Variants in WAPL observed in about 807,000 individuals in gnomAD.
WAPL encodes the protein wings apart-like protein homolog.
Under a neutral mutation model 121.0 loss-of-function variants are expected in WAPL, and 5 were observed. That is an observed-to-expected ratio of 0.04 (90% confidence interval 0.02 to 0.09). WAPL has a LOEUF of 0.09. Among genes scored for constraint, WAPL ranks in the 10% least tolerant of loss-of-function variants. WAPL has a pLI of 1.00. For missense variants in WAPL, 999 were observed against 1,410.8 expected, an observed-to-expected ratio of 0.71 and a Z score of 4.68; for synonymous variants, 480 against 481.5, an observed-to-expected ratio of 1.00 and a Z score of 0.04.
intron 2 of WAPL, among the ~76,000 whole-genome samples, chr10:86,511,168 G>A (rs573403903): frequency 1.8e-4 from 28 of 152,126 alleles, no homozygotes; most frequent in Non-Finnish European, 3.4e-4. Flanking sequence ...AAGCCAGGTG[G>A]CATGCCTGTA....
chr10:86,499,980 T>G lies in WAPL; in HGVS notation c.1263A>C (p.Lys421Asn). The change falls in exon 3 of 19, where the codon AAA becomes AAC. Residue 421 changes from lysine to asparagine, a missense_variant. Around this residue, in one of 7 missense-constraint regions of WAPL, gnomAD observed 531 missense variants for 563.1 expected, o/e 0.94. Coordinates refer to ENST00000298767, the MANE Select transcript of WAPL (RefSeq NM_015045.5). ...CAAAAAATTCAAGTTTAACATCCTT[T>G]TTGGATTTAGTATTACTAGGTCGAA... ...TRFRPSNTKS[K>N]KDVKLEFFGF... 6.2e-7 allele frequency: 1 copy of G among 1,614,174 alleles called. No homozygotes were observed. The highest frequency in any genetic ancestry group is 8.5e-7 in the Non-Finnish European group (1 of 1,180,026).
At chr10:86,453,382 A>G in intron 13 of WAPL, 47 bp from the exon 14 acceptor site, 2 of 1,566,096 alleles carry the variant, frequency 1.3e-6, no homozygotes, top group Non-Finnish European at 1.8e-6. Flanking sequence ...ATTCTTCCTT[A>G]GAACACTAAT....
intron 15 of WAPL, among the ~76,000 whole-genome samples, chr10:86,451,748 G>A (rs941923940): frequency 5.9e-5 from 9 of 152,098 alleles, no homozygotes; most frequent in African/African-American, 2.2e-4. Context: ...TTTCACCCTA[G>A]ACGCTGTGAA....
intron 12 of WAPL, among the ~76,000 whole-genome samples, chr10:86,458,541 C>T (rs1841202369): frequency 6.6e-6 from 1 of 152,072 alleles, no homozygotes; most frequent in South Asian, 2.1e-4. Flanking sequence ...TGCACATTAA[C>T]TAATTTAACT....
chr10:86,479,225 AG>A (rs1841727740), intron 4 of WAPL, among the ~76,000 whole-genome samples: 1 of 152,192 alleles, frequency 6.6e-6, no homozygotes, highest in African/African-American at 2.4e-5. Context: ...CATAAAAGCC[AG>A]GAAAAAAAGG....
chr10:86,485,727 T>C (rs985278529), intron 4 of WAPL, among the ~76,000 whole-genome samples: 2 of 64,104 alleles, frequency 3.1e-5, no homozygotes, highest in African/African-American at 1.4e-4. Flanking sequence ...AAATACTACC[T>C]ATATAAAAGG....
intron 17 of WAPL, among the ~76,000 whole-genome samples, chr10:86,438,270 T>TA (rs1216072711): frequency 1.3e-5 from 2 of 151,228 alleles, no homozygotes; most frequent in African/African-American, 2.4e-5. Context: ...TTTTTTTTTT[T>TA]TAAATGAAAC....
At chr10:86,451,894 T>C in intron 15 of WAPL, 73 bp downstream of exon 15, 5 of 1,548,800 alleles carry the variant, frequency 3.2e-6, no homozygotes, top group Non-Finnish European at 2.6e-6. Context: ...AGGTAAAAGG[T>C]GCAAATGATA....
At chr10:86,492,918 G>A (rs992343629) in intron 4 of WAPL, among the ~76,000 whole-genome samples, 2 of 152,018 alleles carry the variant, frequency 1.3e-5, no homozygotes, top group Non-Finnish European at 2.9e-5. Flanking sequence ...AAAATTAGCC[G>A]GGTGTGGTGG....
In WAPL at chr10:86,437,983, T is replaced by C; in HGVS notation, c.3444A>G (p.Pro1148=). 1.2e-6 allele frequency: 2 copies of C among 1,613,988 alleles called. No individual in the cohort carries two copies. Residue 1148 remains proline (P), a synonymous_variant, in exon 18 of 19, where the codon CCA becomes CCG. Transcript: ENST00000298767. ...CTGTCATTATTGAAAAGTCTCCTTCTGGCAGATATTCCCGCACAGTGGTTA... is the reference window on the plus strand; with the variant it reads ...CTGTCATTATTGAAAAGTCTCCTTCCGGCAGATATTCCCGCACAGTGGTTA... ...INVTTVREYL[P]EGDFSIMTEM...
intron 9 of WAPL, among the ~76,000 whole-genome samples, chr10:86,466,188 C>A (rs933970693): frequency 9.9e-5 from 15 of 152,186 alleles, no homozygotes; most frequent in Non-Finnish European, 1.5e-4. Context: ...GCCTAGGAAT[C>A]TTCCTTGTGG....
chr10:86,439,860 G>A (rs750209649), intron 17 of WAPL, among the ~76,000 whole-genome samples: 1 of 152,230 alleles, frequency 6.6e-6, no homozygotes, highest in Non-Finnish European at 1.5e-5. Context: ...TGCAAAGTGA[G>A]AAGACATGGA....
At chr10:86,443,058 A>AC (rs1382137763) in intron 17 of WAPL, among the ~76,000 whole-genome samples, 11 of 151,432 alleles carry the variant, frequency 7.3e-5, no homozygotes, top group Admixed American at 6.6e-4. Context: ...AAAAAAAAAA[A>AC]ACTACTGGAA....
intron 1 of WAPL, among the ~76,000 whole-genome samples, 152 bp downstream of exon 1, chr10:86,521,211 GAA>G (rs948788957): frequency 2.0e-5 from 3 of 152,136 alleles, no homozygotes; most frequent in African/African-American, 7.2e-5. Flanking sequence ...AATAAAAGGG[GAA>G]AAAAAGAGTT....
rs1849520840 is a variant in WAPL at position 86,443,332 on chromosome 10, A to G, written c.3354T>C (p.Asp1118=). 1.2e-6 allele frequency: 2 copies of G among 1,613,966 alleles called. No individual in the cohort carries two copies. The highest frequency in any genetic ancestry group is 1.7e-5 in the Admixed American group (1 of 59,996). ...GTGCTGTGTAGGAGGCCACAATGCA[A>G]TCCTCCATGTGTTTGCCGGCATGCT... ...ALQHAGKHME[D]CIVASYTALL... The change falls in exon 17 of 19, where the codon GAT becomes GAC. Residue 1118 remains aspartate (D), a synonymous_variant. Transcript: ENST00000298767.
intron 8 of WAPL, among the ~76,000 whole-genome samples, chr10:86,469,722 C>T (rs1841492160): frequency 6.6e-6 from 1 of 151,960 alleles, no homozygotes; most frequent in East Asian, 1.9e-4. Flanking sequence ...AACTTTGAGC[C>T]CCCAGAAGTA....
chr10:86,449,618 G>C (rs1255095992), intron 15 of WAPL, among the ~76,000 whole-genome samples: 1 of 152,224 alleles, frequency 6.6e-6, no homozygotes, highest in Non-Finnish European at 1.5e-5. Flanking sequence ...AGGGATCTCT[G>C]AGGGTGTGGG....
At chr10:86,492,055 TTC>T (rs1229338446) in intron 4 of WAPL, among the ~76,000 whole-genome samples, 1 of 152,364 alleles carries the variant, frequency 6.6e-6, no homozygotes, top group Middle Eastern at 3.4e-3. Flanking sequence ...CACCATTCTA[TTC>T]TGTTTCTACA....
intron 9 of WAPL, chr10:86,467,037 G>T: frequency 2.3e-6 from 1 of 435,268 alleles, no homozygotes; most frequent in Non-Finnish European, 4.2e-6. Context: ...AAAAGGATTA[G>T]ACAAAATGCA....
Sources: gnomAD v4.1 joint callset for allele counts (sites outside exome capture counted in the v4.1 genomes callset) on GRCh38, gnomAD v4.1.1 for gene constraint, gnomAD v4.1.1 regional missense constraint, MANE v1.5 for transcripts, NCBI Gene and HGNC (gene_info 2026-07-23, HGNC 2026-07-21) for gene names.